Variants in CPT2 observed in about 807,000 individuals in gnomAD.
The protein encoded by CPT2 is carnitine O-palmitoyltransferase 2, mitochondrial.
Under a neutral mutation model 48.6 loss-of-function variants are expected in CPT2, and 37 were observed. The observed-to-expected ratio is 0.76, with a 90% confidence interval of 0.59 to 1.00. The LOEUF is 1.00. CPT2 is among the 50% of genes least tolerant of loss of function. The pLI is 0.00. For synonymous variants in CPT2, 319 were observed against 326.9 expected (o/e 0.98, Z 0.26); for missense variants, 772 against 825.6 (o/e 0.94, Z 0.80).
At chr1:53,203,674 C>G (rs892965710) in intron 3 of CPT2, 2 of 152,178 alleles carry the variant, frequency 1.3e-5, no homozygotes, top group Non-Finnish European at 2.9e-5. Context: ...TGAAGCTGCT[C>G]TCCTGTGCTC....
chr1:53,211,612 T>C, intron 4 of CPT2: 2 of 392,510 alleles, frequency 5.1e-6, no homozygotes, highest in Non-Finnish European at 9.2e-6. Flanking sequence ...TTTTTTTTTT[T>C]TTTTTTGGAG....
intron 1 of CPT2, among the ~76,000 whole-genome samples, chr1:53,197,911 T>C (rs1645333636): frequency 6.6e-6 from 1 of 151,732 alleles, no homozygotes; most frequent in Non-Finnish European, 1.5e-5. Flanking sequence ...AAATTTCTCT[T>C]CTCCTCCTCA....
In CPT2 at chr1:53,210,475, G is replaced by T. The variant is rs762195160; in HGVS notation, c.801G>T (p.Ser267=). 1 of 1,614,014 alleles carries T rather than the reference G, an allele frequency of 6.2e-7. No individual in the cohort carries two copies. ...AAGATGGGAACATTGTGAGCCCCTC[G>T]GAAATCCAGGCACATCTGAAGTACA... ...LDQDGNIVSP[S]EIQAHLKYIL... Residue 267 remains serine (S), a synonymous_variant, in exon 4 of 5, where the codon TCG becomes TCT. Transcript: ENST00000371486.
At chr1:53,197,153 T>A (rs1645328875) in intron 1 of CPT2, 58 bp downstream of exon 1, 1 of 1,531,184 alleles carries the variant, frequency 6.5e-7, no homozygotes, top group Non-Finnish European at 8.8e-7. Flanking sequence ...GGCCCCAACC[T>A]GACTGCAGTC....
rs750191719 is a variant in CPT2, at chr1:53,210,659, G to T, written c.985G>T (p.Asp329Tyr). 34 of 1,614,034 alleles carry T rather than the reference G, an allele frequency of 2.1e-5. No individual in the cohort carries two copies. The highest frequency in any genetic ancestry group is 1.6e-4 in the Middle Eastern group (1 of 6,084). Reference protein sequence around the residue: ...DSAVFCLCLDDFPIKDLVHLS... With the variant: ...DSAVFCLCLDYFPIKDLVHLS... ...GGCAGTGTTCTGTCTCTGCCTAGAT[G>T]ACTTCCCCATTAAGGACCTTGTCCA... is the stretch of plus-strand genomic sequence containing the variant. Residue 329 changes from aspartate (D) to tyrosine (Y), a missense_variant, in exon 4 of 5, where the codon GAC (aspartate) becomes TAC (tyrosine). Transcript: ENST00000371486.
intron 4 of CPT2, chr1:53,212,911 TTA>T (rs1334919617): frequency 6.1e-6 from 3 of 488,776 alleles, no homozygotes; most frequent in Non-Finnish European, 1.1e-5. Flanking sequence ...AATCAGACTT[TTA>T]GTTTTATTGT....
At chr1:53,200,643 C>G in intron 1 of CPT2, 76 bp from the exon 2 acceptor site, 1 of 1,069,460 alleles carries the variant, frequency 9.4e-7, no homozygotes, top group Admixed American at 1.7e-5. Context: ...ATCTAGTAAT[C>G]AGTTCATTAG....
At chr1:53,208,899 G>C (rs562988736) in intron 3 of CPT2, 2 of 152,212 alleles carry the variant, frequency 1.3e-5, no homozygotes, top group African/African-American at 2.4e-5. Flanking sequence ...GTGCTGCTGA[G>C]GATGTGGAAA....
rs1381821915 is a variant in CPT2, at chr1:53,213,802, G to A, written c.*207G>A. On this transcript the variant is annotated 3_prime_UTR_variant, in exon 5 of 5. Transcript: ENST00000371486. ...AAATTAGCTGGGTGTGGTGGCATGT[G>A]CCTATAATCCCAGCTACTTGGGAGG... 2 of 540,820 alleles carry A rather than the reference G, an allele frequency of 3.7e-6. No individual in the cohort carries two copies. The highest frequency in any genetic ancestry group is 1.9e-5 in the African/African-American group (1 of 52,516). The allele number at this position is 540,820 out of a possible 1,614,324, so 33.5% of individuals were successfully genotyped here. A position where few individuals can be genotyped will look rare whatever the true frequency, so the allele number is the denominator to read the frequency against.
intron 2 of CPT2, chr1:53,202,105 G>A (rs1645357268): frequency 1.9e-6 from 1 of 515,718 alleles, no homozygotes; most frequent in African/African-American, 1.9e-5. Context: ...TTTGTGAGAT[G>A]TTGATTGATT....
At chr1:53,209,781 A>C in intron 3 of CPT2, 1 of 543,668 alleles carries the variant, frequency 1.8e-6, no homozygotes, top group South Asian at 2.1e-5. Flanking sequence ...CGTCCCAAAA[A>C]AACAAAACAA....
chr1:53,197,177 C>T (rs765167583), intron 1 of CPT2, 82 bp downstream of exon 1: 53 of 1,493,676 alleles, frequency 3.5e-5, no homozygotes, highest in South Asian at 3.1e-4. Context: ...CATGACTCCT[C>T]TAGTGAACCC....
chr1:53,198,410 T>C (rs1254440546), intron 1 of CPT2, among the ~76,000 whole-genome samples: 3 of 152,214 alleles, frequency 2.0e-5, no homozygotes, highest in African/African-American at 7.2e-5. Context: ...TCTTGTGAAA[T>C]TACATTTTGT....
At chr1:53,205,356 G>C (rs1645380705) in intron 3 of CPT2, among the ~76,000 whole-genome samples, 1 of 152,132 alleles carries the variant, frequency 6.6e-6, no homozygotes, top group African/African-American at 2.4e-5. Context: ...TAGGGTGTCT[G>C]ACAGAAGAAA....
At position 53,209,802 on chromosome 1, in the gene CPT2, G is replaced by T. The variant is rs568758712; in HGVS notation, c.341-213G>T. ...AAAAAAACAAAACAAAAACATTATTGTAAGTGATAGAAGCTAAATGCAAAA... is the reference window on the plus strand; with the variant it reads ...AAAAAAACAAAACAAAAACATTATTTTAAGTGATAGAAGCTAAATGCAAAA... On this transcript the variant is annotated intron_variant, in intron 3 of 4. Transcript: ENST00000371486. 9.6e-4 allele frequency: 568 copies of T among 594,324 alleles called. 1 individual carries two copies. Among genetic ancestry groups the T allele is most frequent in the African/African-American group, 4.2e-3 (227 of 53,820 alleles). The allele number at this position is 594,324 out of a possible 1,614,324, so 36.8% of individuals were successfully genotyped here. A position where few individuals can be genotyped will look rare whatever the true frequency, so the allele number is the denominator to read the frequency against.
In CPT2 at chr1:53,210,410, C is replaced by G; in HGVS notation, c.736C>G (p.Leu246Val). ...TGACAAGGCCAGACACCTCCTGGTC[C>G]TAAGGAAAGGAAATTTTTATATCTT... ...TDDKARHLLV[L>V]RKGNFYIFDV... is the part of the protein sequence containing the mutation. The change falls in exon 4 of 5, where the codon CTA (leucine) becomes GTA (valine). Residue 246 changes from leucine (L) to valine (V), a missense_variant. Coordinates refer to ENST00000371486, the MANE Select transcript of CPT2 (RefSeq NM_000098.3). The G allele has an allele frequency of 6.2e-7, 1 of 1,614,118 alleles. No homozygotes were observed. The highest frequency in any genetic ancestry group is 1.1e-5 in the South Asian group (1 of 91,078).
chr1:53,202,622 C>T (rs1476920313), intron 3 of CPT2, 193 bp downstream of exon 3: 1 of 627,382 alleles, frequency 1.6e-6, no homozygotes, highest in African/African-American at 1.8e-5. Context: ...GACTTGAGCC[C>T]ATGCTCAAGA....
rs1557719404 is a variant in CPT2, at chr1:53,213,249, T to C, written c.1646-15T>C. 1 of 1,613,858 alleles carries C rather than the reference T, an allele frequency of 6.2e-7. No homozygotes were observed. The highest frequency in any genetic ancestry group is 1.1e-5 in the South Asian group (1 of 91,072). Reference sequence around the variant, plus strand: ...TCCATCCTGAGACTCTGGTTTTCCATTTTGTTTCTCACAGGCCAGGGCTTT... The same window carrying C: ...TCCATCCTGAGACTCTGGTTTTCCACTTTGTTTCTCACAGGCCAGGGCTTT... On this transcript the variant is annotated splice_polypyrimidine_tract_variant and intron_variant, in intron 4 of 4. Transcript: ENST00000371486.
In CPT2 at chr1:53,213,543, A is replaced by C. The variant is rs747287916; in HGVS notation, c.1925A>C (p.Lys642Thr). The C allele has an allele frequency of 2.5e-6, 4 of 1,614,240 alleles. No individual in the cohort carries two copies. Among genetic ancestry groups the C allele is most frequent in the South Asian group, 1.1e-5 (1 of 91,088 alleles). ...NAREFLQCVEKALEDMFDALE... is the reference protein window; with the variant it reads ...NAREFLQCVETALEDMFDALE... Reference sequence around the variant, plus strand: ...CGGGAGTTTCTCCAATGTGTGGAGAAGGCCTTAGAAGACATGTTTGATGCC... The same window carrying C: ...CGGGAGTTTCTCCAATGTGTGGAGACGGCCTTAGAAGACATGTTTGATGCC... The change falls in exon 5 of 5, where the codon AAG (lysine) becomes ACG (threonine). Residue 642 changes from lysine to threonine, a missense_variant. Physicochemically the swap from Lys to Thr is moderately conservative, Grantham distance 78 (BLOSUM62 -1). Transcript: ENST00000371486.
Sources: allele counts gnomAD v4.1 joint callset (sites outside exome capture counted in the v4.1 genomes callset), GRCh38; gene constraint gnomAD v4.1.1; transcripts MANE v1.5; gene names NCBI Gene and HGNC (gene_info 2026-07-23, HGNC 2026-07-21).